ODAD2: variants seen among roughly 807,000 people sequenced by gnomAD.
ODAD2 encodes the protein outer dynein arm docking complex subunit 2, also known as outer dynein arm-docking complex subunit 2.
Under a neutral mutation model 106.8 loss-of-function variants are expected in ODAD2, and 89 were observed. That is an observed-to-expected ratio of 0.83 (90% CI 0.70 to 0.99). The LOEUF (loss-of-function observed/expected upper bound fraction) is 0.99. Among genes scored for constraint, ODAD2 ranks in the 50% least tolerant of loss-of-function variants. ODAD2 has a pLI of 0.00. For synonymous variants in ODAD2, 404 were observed against 436.2 expected (o/e 0.93, Z 0.92); for missense variants, 1,168 against 1,238.5 (o/e 0.94, Z 0.85).
At chr10:27,985,902 A>AAC (rs1444314779) in intron 3 of ODAD2, among the ~76,000 whole-genome samples, 1 of 152,068 alleles carries the variant, frequency 6.6e-6, no homozygotes, top group Non-Finnish European at 1.5e-5. Context: ...GAATTTGGTT[A>AAC]ATGTCAAAAA....
intron 17 of ODAD2, among the ~76,000 whole-genome samples, chr10:27,877,388 G>A (rs747912550): frequency 1.9e-4 from 29 of 152,096 alleles, no homozygotes; most frequent in Non-Finnish European, 3.8e-4. Context: ...CAAAGTCCCC[G>A]TGAGATCATG....
intron 16 of ODAD2, among the ~76,000 whole-genome samples, chr10:27,924,002 GAA>G (rs748930634): frequency 0.016 from 2,212 of 135,218 alleles, 121 homozygotes; most frequent in Non-Finnish European, 0.023. Flanking sequence ...AAGAAAGAAA[GAA>G]AGAAAGAAAG....
At chr10:27,863,706 G>A (rs756900041) in intron 17 of ODAD2, among the ~76,000 whole-genome samples, 1 of 152,158 alleles carries the variant, frequency 6.6e-6, no homozygotes, top group Non-Finnish European at 1.5e-5. Context: ...TAATATAAAG[G>A]TTCAAGGGCT....
At chr10:27,876,595 A>C (rs1161017190) in intron 17 of ODAD2, among the ~76,000 whole-genome samples, 1 of 152,228 alleles carries the variant, frequency 6.6e-6, no homozygotes, top group Non-Finnish European at 1.5e-5. Context: ...AACTTTTAAT[A>C]GCAGCCAATT....
chr10:27,881,589 A>C (rs978328754), intron 17 of ODAD2, among the ~76,000 whole-genome samples: 7 of 152,148 alleles, frequency 4.6e-5, no homozygotes, highest in African/African-American at 1.7e-4. Context: ...GTGAGCTATA[A>C]TCACACCATT....
chr10:27,826,310 C>T (rs1327667061), intron 19 of ODAD2, among the ~76,000 whole-genome samples: 2 of 152,184 alleles, frequency 1.3e-5, no homozygotes, highest in Admixed American at 6.5e-5. Flanking sequence ...AACCAGGCTT[C>T]CGGATCATGT....
chr10:27,829,737 G>A, intron 19 of ODAD2, among the ~76,000 whole-genome samples: 1 of 151,930 alleles, frequency 6.6e-6, no homozygotes, highest in Admixed American at 6.6e-5. Context: ...GTTATAAAAT[G>A]ATGCTTTTCA....
chr10:27,989,513 C>T (rs977400038), intron 2 of ODAD2, among the ~76,000 whole-genome samples: 2 of 152,178 alleles, frequency 1.3e-5, no homozygotes, highest in Admixed American at 6.5e-5. Context: ...GGGCTGGCCA[C>T]CACACGAAGT....
chr10:27,874,715 G>A lies in ODAD2; in HGVS notation c.2611-12093C>T, dbSNP rs191881777. Among the ~76,000 whole-genome samples the A allele has an allele frequency of 1.7e-3, 252 of 152,238 alleles. 1 individual carries two copies. Among genetic ancestry groups the A allele is most frequent in the Non-Finnish European group, 3.0e-3 (206 of 68,024 alleles). ...CCTTTTGTCTTGTAGGGTTTCTGCCGAGAGATCCACTGTTAGTCTGATGGG... is the reference window on the plus strand; with the variant it reads ...CCTTTTGTCTTGTAGGGTTTCTGCCAAGAGATCCACTGTTAGTCTGATGGG... On this transcript the variant is annotated intron_variant, in intron 17 of 19. Transcript: ENST00000305242.
At chr10:27,813,605 G>A (rs1370935152) in intron 19 of ODAD2, among the ~76,000 whole-genome samples, 2 of 152,068 alleles carry the variant, frequency 1.3e-5, no homozygotes, top group African/African-American at 2.4e-5. Flanking sequence ...GTGCAAATGT[G>A]GATGATGCCA....
intron 16 of ODAD2, among the ~76,000 whole-genome samples, chr10:27,911,939 C>T (rs906819969): frequency 1.3e-5 from 2 of 152,186 alleles, no homozygotes; most frequent in African/African-American, 2.4e-5. Flanking sequence ...TACTCTTTTT[C>T]ATTGCATCAA....
intron 19 of ODAD2, among the ~76,000 whole-genome samples, chr10:27,851,542 T>G (rs1839264380): frequency 6.6e-6 from 1 of 151,568 alleles, no homozygotes. Flanking sequence ...GTATTGCAGA[T>G]GTAAAACACA....
chr10:27,875,590 C>G (rs1841275060), intron 17 of ODAD2, among the ~76,000 whole-genome samples: 1 of 152,180 alleles, frequency 6.6e-6, no homozygotes, highest in Non-Finnish European at 1.5e-5. Context: ...CGAATAGGAA[C>G]AGCTCCAGTC....
At chr10:27,983,640 G>C (rs185239322) in intron 6 of ODAD2, among the ~76,000 whole-genome samples, 1 of 152,206 alleles carries the variant, frequency 6.6e-6, no homozygotes, top group Admixed American at 6.5e-5. Context: ...TATCAGATTG[G>C]CTTAATGACC....
intron 16 of ODAD2, among the ~76,000 whole-genome samples, chr10:27,913,977 T>C (rs1844189727): frequency 1.3e-5 from 2 of 152,136 alleles, no homozygotes; most frequent in Admixed American, 1.3e-4. Flanking sequence ...AATCCCATTA[T>C]TAGGTATAAA....
chr10:27,899,635 A>C (rs1313455741), intron 17 of ODAD2, among the ~76,000 whole-genome samples: 2 of 150,778 alleles, frequency 1.3e-5, no homozygotes, highest in Non-Finnish European at 3.0e-5. Flanking sequence ...GGGGGAGGGG[A>C]GTCTGCCATT....
In ODAD2 at chr10:27,838,865, A is replaced by G. The variant is rs548964630; in HGVS notation, c.3021+21760T>C. Among the ~76,000 whole-genome samples, 5 of 152,346 alleles carry G rather than the reference A, an allele frequency of 3.3e-5. No homozygotes were observed. In the South Asian group the frequency reaches 1.0e-3, roughly 32 times the overall value. On this transcript the variant is annotated intron_variant, in intron 19 of 19. Coordinates refer to ENST00000305242, the MANE Select transcript of ODAD2 (RefSeq NM_018076.5). ...TTGAAACGGATCTTTTATCAACAAAAAAAGCTGCGGGACATAGCTACTGTT... is the reference window on the plus strand; with the variant it reads ...TTGAAACGGATCTTTTATCAACAAAGAAAGCTGCGGGACATAGCTACTGTT...
At position 27,812,415 on chromosome 10, in the gene ODAD2, T is replaced by C; in HGVS notation, c.*97A>G. The C allele has an allele frequency of 8.9e-7, 1 of 1,127,772 alleles. No homozygotes were observed. The highest frequency in any genetic ancestry group is 1.3e-6 in the Non-Finnish European group (1 of 786,744). The allele number at this position is 1,127,772 out of a possible 1,614,324, so 69.9% of individuals were successfully genotyped here. ...TTTTCATTTAGATGGTTGAAAGGGTTTGCTAACAACTGTTTCCCAATTTAG... is the reference window on the plus strand; with the variant it reads ...TTTTCATTTAGATGGTTGAAAGGGTCTGCTAACAACTGTTTCCCAATTTAG... On this transcript the variant is annotated 3_prime_UTR_variant, in exon 20 of 20. Coordinates refer to ENST00000305242, the MANE Select transcript of ODAD2 (RefSeq NM_018076.5).
In ODAD2 at chr10:27,913,851, G is replaced by A. The variant is rs144270236; in HGVS notation, c.2496-6074C>T. Among the ~76,000 whole-genome samples, 1,101 of 152,304 alleles carry A rather than the reference G, an allele frequency of 7.2e-3. 12 individuals are homozygous for A. Among genetic ancestry groups the A allele is most frequent in the African/African-American group, 0.025 (1,036 of 41,584 alleles). ...AAAAATAACAGATGCTGGCAAGGTT[G>A]TGGAGAAAAGGGAAAGCTTGTACAC... On this transcript the variant is annotated intron_variant, in intron 16 of 19. Transcript: ENST00000305242.
Sources: allele counts gnomAD v4.1 joint callset (sites outside exome capture counted in the v4.1 genomes callset), GRCh38; gene constraint gnomAD v4.1.1; transcripts MANE v1.5; gene names NCBI Gene and HGNC (gene_info 2026-07-23, HGNC 2026-07-21).